The following DOCK8 variants were observed in gnomAD, a reference collection of about 807,000 sequenced individuals.
DOCK8 encodes dedicator of cytokinesis 8.
DOCK8 carries 141 observed loss-of-function variants against 245.6 expected under a neutral mutation model. The observed-to-expected ratio is 0.57, with a 90% CI of 0.50 to 0.66. The LOEUF (loss-of-function observed/expected upper bound fraction) is 0.66, where lower values mean the gene tolerates loss of function less well. Ranked by LOEUF, DOCK8 falls within the 30% of genes least tolerant of loss-of-function variation. The pLI, the probability that DOCK8 is intolerant of heterozygous loss-of-function variation, is 0.00. For missense variants in DOCK8, 2,965 were observed against 2,603.4 expected, an observed-to-expected ratio of 1.14 and a Z score of -3.02; for synonymous variants, 1,168 against 970.2, an observed-to-expected ratio of 1.20 and a Z score of -3.79.
intron 1 of DOCK8, among the ~76,000 whole-genome samples, chr9:268,853 T>G (rs1468559131): frequency 2.6e-5 from 4 of 152,222 alleles, no homozygotes; most frequent in Non-Finnish European, 5.9e-5. Flanking sequence ...GACACATTGT[T>G]GCTCATGCAA....
chr9:232,822 T>G (rs1188561380), intron 1 of DOCK8, among the ~76,000 whole-genome samples: 2 of 152,176 alleles, frequency 1.3e-5, no homozygotes, highest in Non-Finnish European at 2.9e-5. Flanking sequence ...GGTCTATCAA[T>G]TTTGTTGATC....
intron 43 of DOCK8, 149 bp from the exon 44 acceptor site, chr9:446,221 G>A: frequency 4.0e-6 from 3 of 743,692 alleles, no homozygotes; most frequent in African/African-American, 1.7e-5. Context: ...AGGAACTTCT[G>A]CTGGCCACAT....
upstream of DOCK8, chr9:214,372 TTTAG>T: frequency 1.3e-6 from 1 of 748,318 alleles, no homozygotes; most frequent in East Asian, 2.9e-5. Flanking sequence ...ATTATATTTA[TTTAG>T]TGTCTCAGGA....
intron 1 of DOCK8, among the ~76,000 whole-genome samples, chr9:232,543 G>C (rs1353231688): frequency 6.6e-6 from 1 of 152,108 alleles, no homozygotes; most frequent in Non-Finnish European, 1.5e-5. Flanking sequence ...TTTTTGGTTG[G>C]TAAGCTATTG....
chr9:378,204 A>T (rs1328619742), intron 20 of DOCK8, among the ~76,000 whole-genome samples: 1 of 152,146 alleles, frequency 6.6e-6, no homozygotes, highest in African/African-American at 2.4e-5. Flanking sequence ...CAAAGGAGAG[A>T]GTGAGAAAAC....
At chr9:253,648 G>C (rs1339230752) in intron 1 of DOCK8, among the ~76,000 whole-genome samples, 4 of 152,190 alleles carry the variant, frequency 2.6e-5, no homozygotes, top group African/African-American at 9.6e-5. Context: ...CTCTCTTCTT[G>C]TGGGGAATAC....
At chr9:259,386 T>G (rs1223459021) in intron 1 of DOCK8, among the ~76,000 whole-genome samples, 1 of 152,222 alleles carries the variant, frequency 6.6e-6, no homozygotes, top group Non-Finnish European at 1.5e-5. Context: ...AGTACACTAT[T>G]TAAAAACATG....
intron 46 of DOCK8, among the ~76,000 whole-genome samples, chr9:459,431 A>G (rs372089918): frequency 7.9e-5 from 12 of 152,252 alleles, no homozygotes; most frequent in Non-Finnish European, 1.5e-5. Flanking sequence ...GTTTTTCTTT[A>G]TAAAACATCA....
chr9:403,858 A>ATCTCTCTGTCTCTCTCTCTCTCTC (rs1554693888), intron 26 of DOCK8, among the ~76,000 whole-genome samples: 2 of 83,974 alleles, frequency 2.4e-5, no homozygotes, highest in Admixed American at 1.5e-4. Flanking sequence ...AAGACTCTGT[A>ATCTCTCTGTCTCTCTCTCTCTCTC]TCTCTCTCTC....
intron 26 of DOCK8, among the ~76,000 whole-genome samples, chr9:403,920 A>AGTT (rs2055257623): frequency 2.6e-5 from 2 of 75,544 alleles, no homozygotes; most frequent in African/African-American, 8.3e-5. Flanking sequence ...ATATATACAT[A>AGTT]TATATATATG....
chr9:421,862 C>G (rs1480251443), intron 32 of DOCK8, among the ~76,000 whole-genome samples, 186 bp from the exon 33 acceptor site: 1 of 152,154 alleles, frequency 6.6e-6, no homozygotes, highest in East Asian at 1.9e-4. Flanking sequence ...TCTAGTCTAT[C>G]AATCAAAGAG....
chr9:371,588 G>A (rs770006269), intron 17 of DOCK8, 22 bp downstream of exon 17: 16 of 1,613,882 alleles, frequency 9.9e-6, no homozygotes, highest in Admixed American at 1.7e-5. Flanking sequence ...CCAGCCTGCT[G>A]ACTCACACTG....
intron 6 of DOCK8, chr9:312,471 C>T (rs1334255356): frequency 5.8e-6 from 3 of 516,296 alleles, no homozygotes; most frequent in East Asian, 1.0e-4. Flanking sequence ...GTAGTAATCA[C>T]ACCCAGCAAG....
At position 339,057 on chromosome 9, in the gene DOCK8, A is replaced by G; in HGVS notation, c.1474A>G (p.Lys492Glu). ...EDLFKFLADY[K>E]RSSSLQRRVK... The stretch of plus-strand genomic sequence containing the variant: ...CTTATTCAAGTTTTTAGCTGACTAC[A>G]AAAGATCATCATCCTTACAGAGACG... Residue 492 changes from lysine to glutamate, a missense_variant, in exon 13 of 48, where the codon AAA becomes GAA. Physicochemically the swap from Lys to Glu is moderately conservative, Grantham distance 56. Coordinates refer to ENST00000432829, the MANE Select transcript of DOCK8 (RefSeq NM_203447.4). 2.5e-6 allele frequency: 4 copies of G among 1,614,150 alleles called. No homozygotes were observed. The highest frequency in any genetic ancestry group is 3.4e-6 in the Non-Finnish European group (4 of 1,180,010).
chr9:407,931 G>A (rs984365383), intron 28 of DOCK8, among the ~76,000 whole-genome samples: 2 of 152,236 alleles, frequency 1.3e-5, no homozygotes, highest in South Asian at 2.1e-4. Context: ...AACACTTCTG[G>A]TGTTTAGATT....
At chr9:236,016 G>C (rs1477983851) in intron 1 of DOCK8, among the ~76,000 whole-genome samples, 1 of 152,180 alleles carries the variant, frequency 6.6e-6, no homozygotes, top group Non-Finnish European at 1.5e-5. Flanking sequence ...CTGTAGACTG[G>C]AGCTGTTCCT....
At chr9:235,402 G>T (rs1563828928) in intron 1 of DOCK8, among the ~76,000 whole-genome samples, 1 of 152,166 alleles carries the variant, frequency 6.6e-6, no homozygotes, top group East Asian at 1.9e-4. Flanking sequence ...TGTGCTGGGA[G>T]AACCACTCCT....
At chr9:377,814 G>A (rs1035691648) in intron 20 of DOCK8, among the ~76,000 whole-genome samples, 3 of 152,044 alleles carry the variant, frequency 2.0e-5, no homozygotes, top group Non-Finnish European at 4.4e-5. Flanking sequence ...TATTTTAAAT[G>A]CTTACTTTTA....
Position 403,904 on chromosome 9 carries a change from A to G in DOCK8, c.3235-1014A>G, listed in dbSNP as rs374922791. ...TCTCTCTCTCTCTCTATATATATATATATATATATATACATATATATATAT... is the reference window on the plus strand; with the variant it reads ...TCTCTCTCTCTCTCTATATATATATGTATATATATATACATATATATATAT... On this transcript the variant is annotated intron_variant, in intron 26 of 47. Transcript: ENST00000432829. Among the ~76,000 whole-genome samples the G allele has an allele frequency of 2.6e-3, 234 of 89,036 alleles. 1 individual carries two copies. The highest frequency in any genetic ancestry group is 3.9e-3 in the Non-Finnish European group (206 of 52,534). 58.4% of individuals were successfully genotyped at this position (89,036 alleles called of 152,430 possible). A position where few individuals can be genotyped will look rare whatever the true frequency, so the allele number is the denominator to read the frequency against.
Sources: gnomAD v4.1 joint callset for allele counts (sites outside exome capture counted in the v4.1 genomes callset) on GRCh38, gnomAD v4.1.1 for gene constraint, MANE v1.5 for transcripts, NCBI Gene and HGNC (gene_info 2026-07-23, HGNC 2026-07-21) for gene names.